The following OTUD7A variants were observed in gnomAD, a reference collection of about 807,000 sequenced individuals.
OTUD7A encodes OTU deubiquitinase 7A, also known as OTU domain-containing protein 7A.
Under a neutral mutation model 65.7 loss-of-function variants are expected in OTUD7A, and 12 were observed. That is an observed-to-expected ratio of 0.18 (90% CI 0.12 to 0.30). The LOEUF is 0.30. Ranked by LOEUF, OTUD7A falls within the 10% of genes least tolerant of loss-of-function variation. OTUD7A has a pLI of 1.00. For missense variants in OTUD7A, 1,148 were observed against 1,304.8 expected (o/e 0.88, Z 1.85); for synonymous variants, 641 against 586.3 (o/e 1.09, Z -1.35).
At chr15:31,507,532 G>A (rs1223224843) in intron 8 of OTUD7A, among the ~76,000 whole-genome samples, 18 of 152,112 alleles carry the variant, frequency 1.2e-4, no homozygotes, top group Admixed American at 5.2e-4. Context: ...AGTGTGGCAC[G>A]GACCCAAAGA....
intron 8 of OTUD7A, among the ~76,000 whole-genome samples, chr15:31,522,553 C>A (rs907639309): frequency 6.6e-6 from 1 of 152,102 alleles, no homozygotes; most frequent in Non-Finnish European, 1.5e-5. Context: ...TCTGGAGAAC[C>A]CTAATACATT....
At chr15:31,855,884 A>G (rs1272699264) in intron 1 of OTUD7A, among the ~76,000 whole-genome samples, 1 of 152,232 alleles carries the variant, frequency 6.6e-6, no homozygotes, top group Admixed American at 6.5e-5. Flanking sequence ...TGGAGGCTAT[A>G]GTTGCTCCCC....
chr15:31,546,423 T>C (rs555727287), intron 5 of OTUD7A, among the ~76,000 whole-genome samples: 1 of 152,322 alleles, frequency 6.6e-6, no homozygotes, highest in South Asian at 2.1e-4. Context: ...AATGAGGTTA[T>C]AAGGGTGGGG....
chr15:31,741,411 T>C (rs1894340282), intron 1 of OTUD7A, among the ~76,000 whole-genome samples: 1 of 151,946 alleles, frequency 6.6e-6, no homozygotes, highest in East Asian at 1.9e-4. Context: ...ACATGTGCCA[T>C]GTTGGTTTGC....
chr15:31,566,945 A>G (rs527552490), intron 4 of OTUD7A, among the ~76,000 whole-genome samples: 2 of 152,322 alleles, frequency 1.3e-5, no homozygotes, highest in African/African-American at 4.8e-5. Flanking sequence ...GAGCCAAGTA[A>G]ACCTCTTTTC....
In OTUD7A at chr15:31,783,750, C is replaced by T. The variant is rs1595765985; in HGVS notation, c.-100+86757G>A. Among the ~76,000 whole-genome samples, 3 of 152,184 alleles carry T rather than the reference C, an allele frequency of 2.0e-5. No individual in the cohort carries two copies. In the South Asian group the frequency reaches 6.2e-4, roughly 32 times the overall value. ...CTGTATTTCCATGGAACATCATTTT[C>T]CTCACCTTCTATTCATCAAAGCATA... On this transcript the variant is annotated intron_variant, in intron 1 of 12. Transcript: ENST00000307050.
intron 10 of OTUD7A, among the ~76,000 whole-genome samples, chr15:31,490,358 C>T (rs2041302341): frequency 6.6e-6 from 1 of 152,202 alleles, no homozygotes; most frequent in Non-Finnish European, 1.5e-5. Flanking sequence ...TCATCTCATG[C>T]TAGCCTGAAT....
chr15:31,483,571 G>A lies in OTUD7A; in HGVS notation c.2525C>T (p.Pro842Leu). ...SLARAVPGAL[P>L]GAAGTAGAAE... ...CGCCCCCGCCGTCCCCGCCGCGCCC[G>A]GTAGGGCCCCGGGCACCGCGCGCGC... The change falls in exon 13 of 13, where the codon CCG becomes CTG. Residue 842 changes from proline to leucine, a missense_variant. Pro to Leu is a moderately conservative substitution (Grantham distance 98, BLOSUM62 -3). This residue lies in a region of OTUD7A where 842 missense variants were observed against 769.5 expected (regional missense o/e 1.09). Coordinates refer to ENST00000307050, the MANE Select transcript of OTUD7A (RefSeq NM_001382637.1). 2 of 1,290,948 alleles carry A rather than the reference G, an allele frequency of 1.5e-6. No homozygotes were observed. The highest frequency in any genetic ancestry group is 2.0e-6 in the Non-Finnish European group (2 of 1,019,184). 80.0% of individuals were successfully genotyped at this position (1,290,948 alleles called of 1,614,324 possible). A position where few individuals can be genotyped will look rare whatever the true frequency, so the allele number is the denominator to read the frequency against.
chr15:31,707,958 G>GAA (rs1356532987), intron 1 of OTUD7A, among the ~76,000 whole-genome samples: 1 of 151,972 alleles, frequency 6.6e-6, no homozygotes, highest in Non-Finnish European at 1.5e-5. Context: ...AAGTAAAAAA[G>GAA]AGATTGGGAG....
At chr15:31,776,271 GATAGCGACAC>G (rs1895378404) in intron 1 of OTUD7A, among the ~76,000 whole-genome samples, 1 of 152,220 alleles carries the variant, frequency 6.6e-6, no homozygotes, top group Non-Finnish European at 1.5e-5. Context: ...GGGACTTCCA[GATAGCGACAC>G]ATGTACTTCC....
intron 3 of OTUD7A, among the ~76,000 whole-genome samples, chr15:31,586,448 A>AT (rs1195958267): frequency 6.6e-6 from 1 of 152,154 alleles, no homozygotes; most frequent in African/African-American, 2.4e-5. Flanking sequence ...TACCACAGGC[A>AT]TTCACTCAGG....
chr15:31,525,077 C>T (rs912334640), intron 8 of OTUD7A, among the ~76,000 whole-genome samples: 2 of 152,172 alleles, frequency 1.3e-5, no homozygotes, highest in African/African-American at 2.4e-5. Flanking sequence ...CTGTCTTTCC[C>T]CACTCCTCCC....
At chr15:31,591,538 A>C (rs1889724184) in intron 3 of OTUD7A, among the ~76,000 whole-genome samples, 1 of 152,166 alleles carries the variant, frequency 6.6e-6, no homozygotes, top group Non-Finnish European at 1.5e-5. Context: ...TCTCTGCCTG[A>C]CTGTCATCGA....
At chr15:31,501,150 G>A (rs1221702301) in intron 10 of OTUD7A, among the ~76,000 whole-genome samples, 2 of 152,238 alleles carry the variant, frequency 1.3e-5, no homozygotes, top group South Asian at 2.1e-4. Context: ...TGGAGCAGGG[G>A]TGAGCAAACT....
At chr15:31,547,495 C>T (rs1888169424) in intron 5 of OTUD7A, among the ~76,000 whole-genome samples, 4 of 152,204 alleles carry the variant, frequency 2.6e-5, no homozygotes, top group Admixed American at 1.3e-4. Flanking sequence ...TGAACACATG[C>T]TTTTCATTTC....
chr15:31,539,341 T>A (rs1887911744), intron 5 of OTUD7A, among the ~76,000 whole-genome samples: 2 of 151,852 alleles, frequency 1.3e-5, no homozygotes, highest in South Asian at 4.2e-4. Context: ...CCAGCCTTTA[T>A]TACAGATATA....
At chr15:31,602,407 C>T (rs900274382) in intron 3 of OTUD7A, among the ~76,000 whole-genome samples, 3 of 152,196 alleles carry the variant, frequency 2.0e-5, no homozygotes, top group Non-Finnish European at 2.9e-5. Flanking sequence ...TTCAACACCC[C>T]TTCATGGTAA....
chr15:31,836,705 C>T (rs1188496959), intron 1 of OTUD7A, among the ~76,000 whole-genome samples: 3 of 152,134 alleles, frequency 2.0e-5, no homozygotes, highest in Non-Finnish European at 2.9e-5. Context: ...AAAAATCAAG[C>T]CATATAATCC....
chr15:31,651,573 ACACACACACACAC>A (rs1891837680), intron 3 of OTUD7A, among the ~76,000 whole-genome samples: 1 of 9,290 alleles, frequency 1.1e-4, no homozygotes, highest in Non-Finnish European at 1.6e-4. Flanking sequence ...ATCCCAAGGA[ACACACACACACAC>A]ACACACACAC....
Sources: allele counts gnomAD v4.1 joint callset (sites outside exome capture counted in the v4.1 genomes callset), GRCh38; gene constraint gnomAD v4.1.1; regional missense constraint gnomAD v4.1.1; transcripts MANE v1.5; gene names NCBI Gene and HGNC (gene_info 2026-07-23, HGNC 2026-07-21).